Variants in CPE observed in about 807,000 individuals in gnomAD.
CPE encodes carbocypeptidase E.
Under a neutral mutation model 53.5 loss-of-function variants are expected in CPE, and 17 were observed. The observed-to-expected ratio is 0.32, with a 90% CI of 0.22 to 0.48. The LOEUF is 0.48. Ranked by LOEUF, CPE falls within the 20% of genes least tolerant of loss-of-function variation. The pLI is 0.99. For missense variants in CPE, 524 were observed against 614.7 expected (o/e 0.85, Z 1.56); for synonymous variants, 226 against 228.8 (o/e 0.99, Z 0.11).
chr4:165,406,461 C>T, intron 1 of CPE: 1 of 261,104 alleles, frequency 3.8e-6, no homozygotes, highest in East Asian at 9.4e-5. Flanking sequence ...GAACTGACTT[C>T]ACAGTTTTTC....
chr4:165,447,400 G>A (rs561100711), intron 1 of CPE, among the ~76,000 whole-genome samples: 13 of 152,036 alleles, frequency 8.6e-5, no homozygotes, highest in Middle Eastern at 3.4e-3. Flanking sequence ...GCGAAACCCC[G>A]TCTCTACTAA....
At chr4:165,414,080 T>C (rs1237492226) in intron 1 of CPE, among the ~76,000 whole-genome samples, 1 of 152,220 alleles carries the variant, frequency 6.6e-6, no homozygotes, top group Non-Finnish European at 1.5e-5. Context: ...GATTTGTATG[T>C]ATTTTCCTGC....
At position 165,484,938 on chromosome 4, in the gene CPE, A is replaced by G. The variant is rs138824830; in HGVS notation, c.973+334A>G. Among the ~76,000 whole-genome samples the G allele has an allele frequency of 5.3e-5, 8 of 152,308 alleles. No individual in the cohort carries two copies. The East Asian group carries it at 1.5e-3, about 29-fold the overall frequency. ...GGGAATAAGATGGCATCCTTAGTTT[A>G]TGCCAGTCATGCTCTTTCACTGTAG... On this transcript the variant is annotated intron_variant, in intron 5 of 8. Coordinates refer to ENST00000402744, the MANE Select transcript of CPE (RefSeq NM_001873.4).
chr4:165,396,881 C>A (rs570353948), intron 1 of CPE, among the ~76,000 whole-genome samples: 15 of 129,380 alleles, frequency 1.2e-4, no homozygotes, highest in African/African-American at 3.9e-4. Flanking sequence ...GAAACCCTGT[C>A]GCCACAAAAA....
rs1352903097 is a variant in CPE at position 165,424,290 on chromosome 4, GT to G, written c.308-40089del. On this transcript the variant is annotated intron_variant, in intron 1 of 8. Transcript: ENST00000402744. ...TGTTTGATATGCATGTACATACTCT[GT>G]TTTTTTTTTTAAGTCTTTCCGTGTC... Among the ~76,000 whole-genome samples the G allele has an allele frequency of 2.5e-3, 363 of 142,646 alleles. 1 individual carries two copies. Among genetic ancestry groups the G allele is most frequent in the African/African-American group, 8.4e-3 (328 of 39,086 alleles). The allele number at this position is 142,646 out of a possible 152,430, so 93.6% of individuals were successfully genotyped here.
chr4:165,403,923 C>T (rs2126663120), intron 1 of CPE: 1 of 490,860 alleles, frequency 2.0e-6, no homozygotes, highest in African/African-American at 1.9e-5. Context: ...TGGCTGAAGG[C>T]ACTTTAATCA....
intron 1 of CPE, among the ~76,000 whole-genome samples, chr4:165,445,248 C>T (rs750065998): frequency 1.1e-4 from 17 of 151,702 alleles, no homozygotes; most frequent in Non-Finnish European, 2.4e-4. Flanking sequence ...GAGCTATTCT[C>T]TTTCTTCTAA....
chr4:165,475,823 C>A (rs1320443983), intron 3 of CPE, among the ~76,000 whole-genome samples: 2 of 152,112 alleles, frequency 1.3e-5, no homozygotes, highest in East Asian at 3.9e-4. Flanking sequence ...CCCTCCGAGC[C>A]ACCCATTAGA....
intron 1 of CPE, among the ~76,000 whole-genome samples, chr4:165,439,445 A>C (rs1731571153): frequency 6.6e-6 from 1 of 152,036 alleles, no homozygotes; most frequent in African/African-American, 2.4e-5. Flanking sequence ...ACAGAAATTC[A>C]TTTCCTAGTT....
intron 1 of CPE, among the ~76,000 whole-genome samples, chr4:165,447,894 G>T (rs1321686422): frequency 2.0e-5 from 3 of 151,960 alleles, no homozygotes; most frequent in African/African-American, 7.3e-5. Flanking sequence ...TCAAAACATA[G>T]GCCCTAGGCA....
intron 1 of CPE, among the ~76,000 whole-genome samples, chr4:165,411,875 A>G (rs935925628): frequency 4.6e-5 from 7 of 152,106 alleles, no homozygotes; most frequent in African/African-American, 1.7e-4. Context: ...CTTTTACTGG[A>G]AGGAATGGGA....
intron 1 of CPE, among the ~76,000 whole-genome samples, chr4:165,460,726 T>C (rs531846697): frequency 6.6e-6 from 1 of 152,304 alleles, no homozygotes; most frequent in African/African-American, 2.4e-5. Context: ...GACCATTCAT[T>C]TACTCTTTCA....
chr4:165,466,006 C>G (rs143952662), intron 2 of CPE, among the ~76,000 whole-genome samples: 1 of 152,010 alleles, frequency 6.6e-6, no homozygotes, highest in Admixed American at 6.6e-5. Flanking sequence ...TATTATTCAT[C>G]GAACATATTT....
At chr4:165,416,579 G>C (rs1172083663) in intron 1 of CPE, among the ~76,000 whole-genome samples, 2 of 151,758 alleles carry the variant, frequency 1.3e-5, no homozygotes, top group African/African-American at 4.8e-5. Flanking sequence ...CCCAAACTCT[G>C]CTCATGCCAG....
chr4:165,381,342 C>T (rs774874985), intron 1 of CPE: 6 of 455,830 alleles, frequency 1.3e-5, no homozygotes, highest in South Asian at 3.1e-5. Flanking sequence ...TGGCACACAG[C>T]GGGCTTGAAT....
chr4:165,494,919 T>C (rs1002570539), intron 7 of CPE, among the ~76,000 whole-genome samples: 5 of 152,206 alleles, frequency 3.3e-5, no homozygotes, highest in African/African-American at 1.2e-4. Context: ...AAAACCTTGC[T>C]CTTCAAAGTG....
At chr4:165,495,418 C>T in intron 7 of CPE, 141 bp from the exon 8 acceptor site, 1 of 594,848 alleles carries the variant, frequency 1.7e-6, no homozygotes, top group Non-Finnish European at 3.0e-6. Context: ...TCATTAAATT[C>T]CCTATATATT....
chr4:165,399,570 C>T (rs1449970340), intron 1 of CPE, among the ~76,000 whole-genome samples: 1 of 152,116 alleles, frequency 6.6e-6, no homozygotes, highest in African/African-American at 2.4e-5. Flanking sequence ...TGGGGTTTCA[C>T]CATGTTGGCC....
intron 1 of CPE, among the ~76,000 whole-genome samples, chr4:165,450,581 C>T (rs1377297118): frequency 6.6e-6 from 1 of 152,164 alleles, no homozygotes; most frequent in East Asian, 1.9e-4. Flanking sequence ...TAAAACCATG[C>T]ATAATTATTT....
Sources: gnomAD v4.1 joint callset for allele counts (sites outside exome capture counted in the v4.1 genomes callset) on GRCh38, gnomAD v4.1.1 for gene constraint, MANE v1.5 for transcripts, NCBI Gene and HGNC (gene_info 2026-07-23, HGNC 2026-07-21) for gene names.